Variants in PGCKA1 observed in about 807,000 individuals in gnomAD.
PGCKA1 encodes the protein PDCD10 and GCKIII kinases-associated protein 1.
chr4:37,535,410 T>G, the PGCKA1 span, among the ~76,000 whole-genome samples: 1 of 152,178 alleles, frequency 6.6e-6, no homozygotes, highest in African/African-American at 2.4e-5. Context: ...ATTTTTTCTC[T>G]ATATCCACAC....
At chr4:37,588,761 G>A in the PGCKA1 span, 6 of 948,132 alleles carry the variant, frequency 6.3e-6, no homozygotes, top group African/African-American at 6.5e-5. Flanking sequence ...TACATTTTGA[G>A]TCTCTAGGGA....
chr4:37,459,962 T>G, the PGCKA1 span, among the ~76,000 whole-genome samples: 3 of 152,090 alleles, frequency 2.0e-5, no homozygotes, highest in Non-Finnish European at 2.9e-5. Context: ...CCTGCATGCA[T>G]TAGCTATTTA....
the PGCKA1 span, among the ~76,000 whole-genome samples, chr4:37,556,268 T>TGTTTTTTC: frequency 8.6e-6 from 1 of 116,426 alleles, no homozygotes; most frequent in Non-Finnish European, 1.8e-5. Flanking sequence ...TGTTTTGTTT[T>TGTTTTTTC]GTTTTTTTGT....
chr4:37,469,931 A>G, the PGCKA1 span, among the ~76,000 whole-genome samples: 1 of 152,184 alleles, frequency 6.6e-6, no homozygotes, highest in Non-Finnish European at 1.5e-5. Context: ...TCTCTTCCAA[A>G]TGGATAAGGC....
At chr4:37,547,668 A>G in the PGCKA1 span, among the ~76,000 whole-genome samples, 1 of 152,142 alleles carries the variant, frequency 6.6e-6, no homozygotes, top group East Asian at 1.9e-4. Context: ...GTTTCCACAC[A>G]TAGACAATTA....
the PGCKA1 span, among the ~76,000 whole-genome samples, chr4:37,488,283 G>C: frequency 6.6e-6 from 1 of 152,144 alleles, no homozygotes; most frequent in Non-Finnish European, 1.5e-5. Flanking sequence ...TTTCAAACCA[G>C]TGTATTAAGA....
At chr4:37,563,417 C>T in the PGCKA1 span, among the ~76,000 whole-genome samples, 9 of 152,020 alleles carry the variant, frequency 5.9e-5, no homozygotes, top group Non-Finnish European at 1.3e-4. Flanking sequence ...CATTCGCTTT[C>T]GCTCACAAGC....
chr4:37,516,171 G>A, the PGCKA1 span, among the ~76,000 whole-genome samples: 70,307 of 151,932 alleles, frequency 0.46, 16,497 homozygotes, highest in Non-Finnish European at 0.49. Flanking sequence ...AGTGGCTGGC[G>A]CCGTAAAGGC....
the PGCKA1 span, among the ~76,000 whole-genome samples, chr4:37,509,477 G>A: frequency 6.8e-6 from 1 of 147,552 alleles, no homozygotes; most frequent in African/African-American, 2.5e-5. Context: ...CTTCCTAGAC[G>A]GGATGGCAGC....
the PGCKA1 span, among the ~76,000 whole-genome samples, chr4:37,502,564 C>G: frequency 1.3e-5 from 2 of 152,148 alleles, no homozygotes; most frequent in East Asian, 3.9e-4. Context: ...ACTGAAATGG[C>G]AATACAGCAG....
At chr4:37,458,390 C>T in the PGCKA1 span, among the ~76,000 whole-genome samples, 2 of 152,100 alleles carry the variant, frequency 1.3e-5, no homozygotes, top group Non-Finnish European at 2.9e-5. Flanking sequence ...TAACAAATCA[C>T]CCCACACGTA....
the PGCKA1 span, among the ~76,000 whole-genome samples, chr4:37,515,249 A>T: frequency 1.3e-5 from 2 of 151,538 alleles, no homozygotes; most frequent in African/African-American, 4.9e-5. Flanking sequence ...TTCAGAACCC[A>T]ACCATACTGG....
At chr4:37,557,833 C>T in the PGCKA1 span, among the ~76,000 whole-genome samples, 3 of 152,164 alleles carry the variant, frequency 2.0e-5, no homozygotes, top group African/African-American at 7.2e-5. Flanking sequence ...AGGAGCTGGG[C>T]TGCAAACCCC....
chr4:37,530,852 G>A, the PGCKA1 span, among the ~76,000 whole-genome samples: 11 of 152,104 alleles, frequency 7.2e-5, no homozygotes, highest in Middle Eastern at 3.4e-3. Context: ...TGGTGTGGTG[G>A]TGGGCACCTG....
the PGCKA1 span, among the ~76,000 whole-genome samples, chr4:37,500,575 T>C: frequency 7.2e-5 from 11 of 152,236 alleles, no homozygotes; most frequent in African/African-American, 2.7e-4. Context: ...CATGTGGCAA[T>C]GAGAGGAATG....
At chr4:37,515,186 T>C in the PGCKA1 span, among the ~76,000 whole-genome samples, 1 of 152,174 alleles carries the variant, frequency 6.6e-6, no homozygotes, top group Non-Finnish European at 1.5e-5. Flanking sequence ...TCTCACTCTC[T>C]TCCTGCCATA....
the PGCKA1 span, among the ~76,000 whole-genome samples, chr4:37,575,015 G>A: frequency 6.6e-6 from 1 of 150,752 alleles, no homozygotes. Context: ...TCATTCTTCT[G>A]TTGCTTCCAA....
chr4:37,582,390 C>T, the PGCKA1 span, among the ~76,000 whole-genome samples: 3 of 152,122 alleles, frequency 2.0e-5, no homozygotes, highest in African/African-American at 7.2e-5. Flanking sequence ...AACCCCAGTA[C>T]AATGTTCAAA....
chr4:37,527,207 C>T, the PGCKA1 span, among the ~76,000 whole-genome samples: 5 of 151,894 alleles, frequency 3.3e-5, no homozygotes, highest in South Asian at 4.2e-4. Flanking sequence ...AGTGTTACTA[C>T]GAAAGAGTCA....
Sources: gnomAD v4.1 joint callset for allele counts (sites outside exome capture counted in the v4.1 genomes callset) on GRCh38, gnomAD v4.1.1 for gene constraint, MANE v1.5 for transcripts, NCBI Gene and HGNC (gene_info 2026-07-23, HGNC 2026-07-21) for gene names.